Variants in RBFOX1 observed in about 807,000 individuals in gnomAD.
RBFOX1 encodes RNA binding protein fox-1 homolog 1.
RBFOX1 carries 8 observed loss-of-function variants against 57.7 expected under a neutral mutation model. The observed-to-expected ratio is 0.14, with a 90% CI of 0.08 to 0.25. The LOEUF (loss-of-function observed/expected upper bound fraction) is 0.25. RBFOX1 is among the 10% of genes least tolerant of loss of function. The pLI, the probability that RBFOX1 is intolerant of heterozygous loss-of-function variation, is 1.00. For missense variants in RBFOX1, 611 were observed against 548.5 expected (o/e 1.11, Z -1.14); for synonymous variants, 326 against 222.4 (o/e 1.47, Z -4.15).
At chr16:6,215,721 C>T (rs1356629438) in intron 1 of RBFOX1, among the ~76,000 whole-genome samples, 2 of 152,072 alleles carry the variant, frequency 1.3e-5, no homozygotes, top group African/African-American at 4.8e-5. Context: ...GATCTGTGGG[C>T]ACATCTCATT....
At chr16:5,779,126 T>A (rs2054243431) in intron 3 of RBFOX1, among the ~76,000 whole-genome samples, 1 of 152,196 alleles carries the variant, frequency 6.6e-6, no homozygotes, top group Admixed American at 6.5e-5. Context: ...ATGACAAGTT[T>A]AGGGTGAATT....
intron 3 of RBFOX1, among the ~76,000 whole-genome samples, chr16:5,745,604 G>A (rs1163210039): frequency 1.3e-5 from 2 of 152,182 alleles, no homozygotes; most frequent in Non-Finnish European, 2.9e-5. Flanking sequence ...TCCAGCACCT[G>A]TTGTTTCCTG....
chr16:5,387,749 A>G lies in RBFOX1; in HGVS notation c.220-79467A>G, dbSNP rs112306762. Among the ~76,000 whole-genome samples, 923 of 152,304 alleles carry G rather than the reference A, an allele frequency of 6.1e-3. 12 individuals are homozygous for G. Among genetic ancestry groups the G allele is most frequent in the African/African-American group, 0.021 (868 of 41,556 alleles). ...ATCCTAATCTCTGCAACCTGTGGAT[A>G]TGTTACGTTCCATGGCAAAGGGGCA... On this transcript the variant is annotated intron_variant, in intron 1 of 2. Transcript: ENST00000585867.
chr16:5,899,630 A>G (rs181004420), intron 4 of RBFOX1, among the ~76,000 whole-genome samples: 34 of 152,216 alleles, frequency 2.2e-4, no homozygotes, highest in African/African-American at 8.2e-4. Context: ...CGGGTACCTG[A>G]TTGGGTCAAA....
chr16:6,587,228 G>T (rs942983513), intron 2 of RBFOX1, among the ~76,000 whole-genome samples: 1 of 152,024 alleles, frequency 6.6e-6, no homozygotes, highest in Non-Finnish European at 1.5e-5. Context: ...CTGCATTTAT[G>T]GGTTCACTTC....
intron 2 of RBFOX1, among the ~76,000 whole-genome samples, chr16:6,581,087 C>G (rs542810564): frequency 6.6e-6 from 1 of 152,080 alleles, no homozygotes; most frequent in Non-Finnish European, 1.5e-5. Flanking sequence ...TTTTTCCATG[C>G]TGTGCCTTTT....
chr16:6,121,101 C>T (rs2096545557), intron 1 of RBFOX1, among the ~76,000 whole-genome samples: 1 of 152,116 alleles, frequency 6.6e-6, no homozygotes, highest in Admixed American at 6.5e-5. Flanking sequence ...TCTTCCTGTC[C>T]AACTGGCCTG....
At chr16:6,963,872 G>A (rs1448577624) in intron 3 of RBFOX1, among the ~76,000 whole-genome samples, 2 of 151,618 alleles carry the variant, frequency 1.3e-5, no homozygotes, top group African/African-American at 2.4e-5. Context: ...CTAATTTTTT[G>A]TATTTTTAGT....
intron 6 of RBFOX1, among the ~76,000 whole-genome samples, chr16:7,585,199 G>C (rs545121996): frequency 5.3e-5 from 8 of 152,284 alleles, no homozygotes; most frequent in African/African-American, 1.9e-4. Context: ...ACTGCTTGAG[G>C]AGTTCACAAA....
At chr16:6,764,391 C>T (rs1316474946) in intron 3 of RBFOX1, among the ~76,000 whole-genome samples, 2 of 152,174 alleles carry the variant, frequency 1.3e-5, no homozygotes, top group Non-Finnish European at 2.9e-5. Context: ...CAAGCAGTGT[C>T]TGGTAGCCCA....
intron 4 of RBFOX1, among the ~76,000 whole-genome samples, chr16:7,249,734 C>G (rs957199505): frequency 2.0e-5 from 3 of 152,070 alleles, no homozygotes; most frequent in Non-Finnish European, 1.5e-5. Flanking sequence ...TGTGCTATCT[C>G]TGATTTTCCA....
intron 14 of RBFOX1, among the ~76,000 whole-genome samples, chr16:7,701,050 C>A (rs935753315): frequency 6.6e-6 from 1 of 152,142 alleles, no homozygotes; most frequent in African/African-American, 2.4e-5. Context: ...GATGTGTTCC[C>A]TCCTACTTCT....
intron 1 of RBFOX1, among the ~76,000 whole-genome samples, chr16:5,375,167 C>T (rs485335): frequency 0.43 from 64,135 of 150,378 alleles, 14,003 homozygotes; most frequent in Middle Eastern, 0.48. Context: ...CCGATCTCTT[C>T]GAGGGACTTC....
chr16:6,559,829 T>G (rs1424345886), intron 2 of RBFOX1, among the ~76,000 whole-genome samples: 1 of 152,136 alleles, frequency 6.6e-6, no homozygotes, highest in African/African-American at 2.4e-5. Context: ...AAACTGAAGT[T>G]GTTCCCTGAA....
intron 1 of RBFOX1, among the ~76,000 whole-genome samples, chr16:6,036,413 G>GT (rs1491432319): frequency 6.6e-6 from 1 of 151,312 alleles, no homozygotes; most frequent in African/African-American, 2.4e-5. Context: ...TTTTGCCATT[G>GT]CTTTTTTGGG....
At chr16:5,630,828 G>A (rs979237947) in intron 3 of RBFOX1, among the ~76,000 whole-genome samples, 4 of 152,220 alleles carry the variant, frequency 2.6e-5, no homozygotes, top group African/African-American at 9.6e-5. Flanking sequence ...GGATGAGGAA[G>A]TCATTTCAGA....
intron 1 of RBFOX1, among the ~76,000 whole-genome samples, chr16:5,447,262 A>C (rs1438173282): frequency 6.6e-6 from 1 of 152,158 alleles, no homozygotes; most frequent in Non-Finnish European, 1.5e-5. Flanking sequence ...GCCTGGAGTT[A>C]GGCATGAGGT....
At chr16:7,057,633 G>A (rs1292511303) in intron 4 of RBFOX1, among the ~76,000 whole-genome samples, 1 of 152,216 alleles carries the variant, frequency 6.6e-6, no homozygotes, top group Non-Finnish European at 1.5e-5. Context: ...GAAGTGGTAT[G>A]AAGCAACACA....
At chr16:7,196,836 A>C (rs2086822926) in intron 4 of RBFOX1, among the ~76,000 whole-genome samples, 2 of 152,150 alleles carry the variant, frequency 1.3e-5, no homozygotes, top group Non-Finnish European at 2.9e-5. Context: ...TCAAGCAAAG[A>C]GGACAGCATG....
Sources: allele counts gnomAD v4.1 joint callset (sites outside exome capture counted in the v4.1 genomes callset), GRCh38; gene constraint gnomAD v4.1.1; transcripts MANE v1.5; gene names NCBI Gene and HGNC (gene_info 2026-07-23, HGNC 2026-07-21).